SHROOM3: variants seen among roughly 807,000 people sequenced by gnomAD.
The protein encoded by SHROOM3 is shroom family member 3.
SHROOM3 carries 47 observed loss-of-function variants against 138.6 expected under a neutral mutation model. The observed-to-expected ratio is 0.34, with a 90% confidence interval of 0.27 to 0.43. SHROOM3 has a LOEUF of 0.43. Among genes scored for constraint, SHROOM3 ranks in the 20% least tolerant of loss-of-function variants. SHROOM3 has a pLI of 1.00. For synonymous variants in SHROOM3, 1,062 were observed against 1,063.3 expected (o/e 1.00, Z 0.02); for missense variants, 2,491 against 2,596.5 (o/e 0.96, Z 0.88).
chr4:76,627,597 A>G, intron 2 of SHROOM3, among the ~76,000 whole-genome samples: 1 of 152,064 alleles, frequency 6.6e-6, no homozygotes. Flanking sequence ...TCTTCCTAAA[A>G]TTATCCACAA....
intron 3 of SHROOM3, 33 bp from the exon 4 acceptor site, chr4:76,730,771 T>C: frequency 6.2e-7 from 1 of 1,613,472 alleles, no homozygotes; most frequent in South Asian, 1.1e-5. Flanking sequence ...AGACTTTGGC[T>C]AATGTTGGGG....
chr4:76,692,771 T>C (rs1334284625), intron 2 of SHROOM3, among the ~76,000 whole-genome samples: 2 of 152,188 alleles, frequency 1.3e-5, no homozygotes, highest in Non-Finnish European at 2.9e-5. Flanking sequence ...TAATAAGCAA[T>C]TCTATTCATG....
At chr4:76,667,619 T>C (rs375952135) in intron 2 of SHROOM3, among the ~76,000 whole-genome samples, 2 of 152,162 alleles carry the variant, frequency 1.3e-5, no homozygotes, top group East Asian at 3.9e-4. Flanking sequence ...CAGCCTGTTA[T>C]GTATTCTTTA....
At chr4:76,484,613 A>G (rs532402857) in intron 1 of SHROOM3, among the ~76,000 whole-genome samples, 7,325 of 115,652 alleles carry the variant, frequency 0.063, 206 homozygotes, top group Middle Eastern at 0.11. Flanking sequence ...ACAAACAAAA[A>G]GTCTTAGGAG....
chr4:76,474,021 C>T (rs1047562846), intron 1 of SHROOM3, among the ~76,000 whole-genome samples: 5 of 151,372 alleles, frequency 3.3e-5, no homozygotes, highest in African/African-American at 1.2e-4. Context: ...ATGTTTATAG[C>T]AATAACAAAA....
intron 1 of SHROOM3, among the ~76,000 whole-genome samples, chr4:76,472,224 A>C (rs990358332): frequency 1.3e-5 from 2 of 152,248 alleles, no homozygotes; most frequent in Non-Finnish European, 2.9e-5. Context: ...GGGGCAAAAC[A>C]AAAACCAAAA....
chr4:76,733,210 G>T (rs748619315), intron 4 of SHROOM3, among the ~76,000 whole-genome samples: 11 of 152,158 alleles, frequency 7.2e-5, no homozygotes, highest in Non-Finnish European at 1.5e-4. Context: ...AGTAACTATG[G>T]TGAGCTCCAG....
At chr4:76,463,885 T>G (rs963347898) in intron 1 of SHROOM3, among the ~76,000 whole-genome samples, 2 of 152,190 alleles carry the variant, frequency 1.3e-5, no homozygotes, top group Admixed American at 1.3e-4. Flanking sequence ...TACCTAGAGT[T>G]CAGAGTGTGT....
chr4:76,766,977 C>A (rs1327890298), intron 9 of SHROOM3, among the ~76,000 whole-genome samples: 2 of 152,184 alleles, frequency 1.3e-5, no homozygotes, highest in Non-Finnish European at 2.9e-5. Context: ...TATACATTTT[C>A]ATCTCATTCC....
At chr4:76,697,607 T>C (rs952041796) in intron 2 of SHROOM3, among the ~76,000 whole-genome samples, 3 of 152,186 alleles carry the variant, frequency 2.0e-5, no homozygotes, top group Non-Finnish European at 4.4e-5. Context: ...TTTGTGATCT[T>C]GAGCAGGTTA....
intron 2 of SHROOM3, among the ~76,000 whole-genome samples, chr4:76,647,236 G>T (rs935117443): frequency 6.6e-6 from 1 of 152,134 alleles, no homozygotes; most frequent in Non-Finnish European, 1.5e-5. Context: ...GTAGAGAGTC[G>T]AGTGTTAGAT....
intron 2 of SHROOM3, among the ~76,000 whole-genome samples, chr4:76,638,133 T>C (rs774352297): frequency 2.6e-5 from 4 of 152,182 alleles, no homozygotes; most frequent in Non-Finnish European, 4.4e-5. Flanking sequence ...CTGCTTTCGT[T>C]CATCCTAATT....
At position 76,500,111 on chromosome 4, in the gene SHROOM3, T is replaced by C. The variant is rs556362308; in HGVS notation, c.169-55498T>C. Among the ~76,000 whole-genome samples the C allele has an allele frequency of 2.0e-5, 3 of 152,222 alleles. No homozygotes were observed. In the South Asian group the frequency reaches 6.2e-4, roughly 32 times the overall value. ...GGTCATCTGACTTCAGAGTCCATGC[T>C]CCAGTTCGGACATTAGACAGTGAGC... On this transcript the variant is annotated intron_variant, in intron 1 of 10. Transcript: ENST00000296043.
intron 2 of SHROOM3, among the ~76,000 whole-genome samples, chr4:76,626,648 G>C (rs2110069686): frequency 6.6e-6 from 1 of 152,248 alleles, no homozygotes; most frequent in Admixed American, 6.5e-5. Flanking sequence ...CATCATCTCT[G>C]ATCATCTCAA....
At position 76,577,038 on chromosome 4, in the gene SHROOM3, G is replaced by A. The variant is rs116177596; in HGVS notation, c.323+21275G>A. ...AGGTTAGGGTTCAGAACTGAATACT[G>A]GAACAAATGCTCCTGGTAAACATGA... On this transcript the variant is annotated intron_variant, in intron 2 of 10. Transcript: ENST00000296043. Among the ~76,000 whole-genome samples the A allele has an allele frequency of 3.1e-3, 479 of 152,214 alleles. 2 individuals carry two copies. Among genetic ancestry groups the A allele is most frequent in the African/African-American group, 0.011 (460 of 41,550 alleles).
At chr4:76,505,290 A>G (rs1422595660) in intron 1 of SHROOM3, among the ~76,000 whole-genome samples, 1 of 152,218 alleles carries the variant, frequency 6.6e-6, no homozygotes, top group Non-Finnish European at 1.5e-5. Context: ...TGAGAAGATT[A>G]AGGATTTAAG....
At chr4:76,585,233 C>G (rs530173368) in intron 2 of SHROOM3, among the ~76,000 whole-genome samples, 1 of 152,260 alleles carries the variant, frequency 6.6e-6, no homozygotes, top group South Asian at 2.1e-4. Flanking sequence ...TTTCTCTCTT[C>G]TTTCTGTGCC....
At chr4:76,579,980 T>C (rs1280437294) in intron 2 of SHROOM3, among the ~76,000 whole-genome samples, 1 of 152,224 alleles carries the variant, frequency 6.6e-6, no homozygotes, top group Non-Finnish European at 1.5e-5. Flanking sequence ...TGTTTGTACG[T>C]ATCTCCTGTC....
chr4:76,465,256 C>T (rs1731228058), intron 1 of SHROOM3, among the ~76,000 whole-genome samples: 1 of 152,124 alleles, frequency 6.6e-6, no homozygotes, highest in South Asian at 2.1e-4. Context: ...GTTGTAGTAG[C>T]CAAGGTGGTA....
Sources: allele counts gnomAD v4.1 joint callset (sites outside exome capture counted in the v4.1 genomes callset), GRCh38; gene constraint gnomAD v4.1.1; transcripts MANE v1.5; gene names NCBI Gene and HGNC (gene_info 2026-07-23, HGNC 2026-07-21).